The following ENOX1 variants were observed in gnomAD, a reference collection of about 807,000 sequenced individuals.
ENOX1 encodes candidate growth-related and time keeping constitutive hydroquinone (NADH) oxidase.
In ENOX1, 42 loss-of-function variants were observed where a neutral mutation model predicts 82.5. That is an observed-to-expected ratio of 0.51 (90% CI 0.40 to 0.66). The LOEUF (loss-of-function observed/expected upper bound fraction) is 0.66, where lower values mean the gene tolerates loss of function less well. ENOX1 is among the 30% of genes least tolerant of loss of function. ENOX1 has a pLI of 0.00. For missense variants in ENOX1, 608 were observed against 811.6 expected, an observed-to-expected ratio of 0.75 and a Z score of 3.05; for synonymous variants, 271 against 282.2, an observed-to-expected ratio of 0.96 and a Z score of 0.40.
intron 3 of ENOX1, among the ~76,000 whole-genome samples, chr13:43,471,645 T>A (rs1301971845): frequency 6.6e-6 from 1 of 151,446 alleles, no homozygotes; most frequent in Non-Finnish European, 1.5e-5. Context: ...CCCATCTCTA[T>A]TAAAAATACA....
At position 43,568,456 on chromosome 13, in the gene ENOX1, T is replaced by C. The variant is rs148127656; in HGVS notation, c.-218-84304A>G. On this transcript the variant is annotated intron_variant, in intron 2 of 16. Coordinates refer to ENST00000690772, the MANE Select transcript of ENOX1 (RefSeq NM_001347969.2). ...TCCTCTGGTCTTTTCTGTCATTAAG[T>C]GTGAGAAAATAATACTTTAACCAAC... is the stretch of plus-strand genomic sequence containing the variant. 8.5e-5 allele frequency among the ~76,000 whole-genome samples: 13 copies of C among 152,218 alleles called. No homozygotes were observed. In the East Asian group the frequency reaches 2.1e-3, roughly 25 times the overall value.
chr13:43,637,325 G>C (rs1019207100), intron 2 of ENOX1, among the ~76,000 whole-genome samples: 3 of 152,146 alleles, frequency 2.0e-5, no homozygotes, highest in African/African-American at 7.2e-5. Flanking sequence ...ACTTTACAAA[G>C]TTTCCTTCTC....
At chr13:43,626,593 T>A (rs2082973777) in intron 2 of ENOX1, among the ~76,000 whole-genome samples, 1 of 151,932 alleles carries the variant, frequency 6.6e-6, no homozygotes, top group Non-Finnish European at 1.5e-5. Flanking sequence ...TTTCAAAGTG[T>A]TGGAAATTGT....
intron 5 of ENOX1, among the ~76,000 whole-genome samples, chr13:43,385,957 G>T (rs897855982): frequency 6.6e-6 from 1 of 152,170 alleles, no homozygotes; most frequent in Non-Finnish European, 1.5e-5. Context: ...CTTGAGGTCA[G>T]GAGTTTGAGA....
chr13:43,753,601 C>T (rs1361322191), intron 1 of ENOX1, among the ~76,000 whole-genome samples: 1 of 152,082 alleles, frequency 6.6e-6, no homozygotes, highest in African/African-American at 2.4e-5. Flanking sequence ...CACAACTACC[C>T]ATAGGGAAAG....
chr13:43,714,221 G>T (rs1272756954), intron 1 of ENOX1, among the ~76,000 whole-genome samples: 3 of 152,140 alleles, frequency 2.0e-5, no homozygotes, highest in Admixed American at 1.3e-4. Flanking sequence ...TAGTTGAGTG[G>T]TTTTGAGTGA....
At chr13:43,741,611 C>T (rs953802259) in intron 1 of ENOX1, among the ~76,000 whole-genome samples, 9 of 152,276 alleles carry the variant, frequency 5.9e-5, no homozygotes, top group Non-Finnish European at 1.5e-5. Flanking sequence ...TATTAAGTTG[C>T]ATGAGTTCTT....
chr13:43,478,218 G>GA (rs1273256415), intron 3 of ENOX1, among the ~76,000 whole-genome samples: 4 of 152,080 alleles, frequency 2.6e-5, no homozygotes, highest in Admixed American at 2.6e-4. Context: ...GCATTTTTCT[G>GA]AAAAAACAGA....
At chr13:43,393,933 T>C (rs953158313) in intron 5 of ENOX1, among the ~76,000 whole-genome samples, 1 of 152,122 alleles carries the variant, frequency 6.6e-6, no homozygotes. Context: ...CTCACTGTTA[T>C]TCACAGGAGA....
chr13:43,599,100 C>G (rs1372165145), intron 2 of ENOX1, among the ~76,000 whole-genome samples: 2 of 151,988 alleles, frequency 1.3e-5, no homozygotes, highest in African/African-American at 4.8e-5. Flanking sequence ...AAGTATTGAA[C>G]TAGGAGAAAA....
At chr13:43,309,712 T>C (rs9316012) in intron 11 of ENOX1, among the ~76,000 whole-genome samples, 145,132 of 152,230 alleles carry the variant, frequency 0.95, 69,598 homozygotes, top group East Asian at 1. Flanking sequence ...ATAAACTGTC[T>C]GGATGGATAA....
chr13:43,747,343 G>C (rs1950078801), intron 1 of ENOX1, among the ~76,000 whole-genome samples: 1 of 152,166 alleles, frequency 6.6e-6, no homozygotes. Context: ...TAGTATTCTA[G>C]TGAATTCTAT....
At chr13:43,781,034 A>T (rs1009674897) in intron 1 of ENOX1, among the ~76,000 whole-genome samples, 2 of 152,222 alleles carry the variant, frequency 1.3e-5, no homozygotes, top group African/African-American at 4.8e-5. Context: ...GTGGGCTATT[A>T]AAGGGCTATT....
At chr13:43,531,102 T>TA (rs1321748402) in intron 2 of ENOX1, among the ~76,000 whole-genome samples, 1 of 151,802 alleles carries the variant, frequency 6.6e-6, no homozygotes, top group Non-Finnish European at 1.5e-5. Flanking sequence ...AAGTAAATAA[T>TA]ACTTTTTTTT....
chr13:43,323,871 T>C (rs2047954014), intron 10 of ENOX1, among the ~76,000 whole-genome samples: 1 of 152,232 alleles, frequency 6.6e-6, no homozygotes. Flanking sequence ...AGATTTTAAC[T>C]ACAGCATGAT....
chr13:43,353,376 A>G (rs1374222151), intron 8 of ENOX1, among the ~76,000 whole-genome samples: 2 of 152,256 alleles, frequency 1.3e-5, no homozygotes, highest in African/African-American at 4.8e-5. Flanking sequence ...ATGATATAAA[A>G]TAGAGGAAAA....
chr13:43,571,807 G>A lies in ENOX1; in HGVS notation c.-218-87655C>T, dbSNP rs114194223. On this transcript the variant is annotated intron_variant, in intron 2 of 16. Coordinates refer to ENST00000690772, the MANE Select transcript of ENOX1 (RefSeq NM_001347969.2). ...TCCTCATCTGTGAGGTGAAGGGGCT[G>A]AAGTGGATAATCTTTAAGTCCTTCC... 9.9e-3 allele frequency among the ~76,000 whole-genome samples: 1,507 copies of A among 152,242 alleles called. 15 individuals carry two copies. Among genetic ancestry groups the A allele is most frequent in the Middle Eastern group, 0.031 (9 of 294 alleles).
intron 2 of ENOX1, among the ~76,000 whole-genome samples, chr13:43,587,603 A>AT (rs1230300155): frequency 6.6e-6 from 1 of 152,092 alleles, no homozygotes; most frequent in Non-Finnish European, 1.5e-5. Flanking sequence ...CTATCAGTAT[A>AT]TTTTTTCTGG....
chr13:43,270,392 C>CA (rs2044618791), intron 12 of ENOX1, among the ~76,000 whole-genome samples: 1 of 152,212 alleles, frequency 6.6e-6, no homozygotes, highest in Admixed American at 6.5e-5. Context: ...TTCGAAAAGA[C>CA]AGAGTGCATT....
Sources: gnomAD v4.1 joint callset for allele counts (sites outside exome capture counted in the v4.1 genomes callset) on GRCh38, gnomAD v4.1.1 for gene constraint, MANE v1.5 for transcripts, NCBI Gene and HGNC (gene_info 2026-07-23, HGNC 2026-07-21) for gene names.